The following RTEL1 variants were observed in gnomAD, a reference collection of about 807,000 sequenced individuals.
RTEL1 encodes the protein regulator of telomere elongation helicase 1, also known as regulator of telomere length.
A neutral mutation model predicts 162.2 loss-of-function variants in RTEL1; 86 were observed. The ratio of observed to expected loss-of-function variants is 0.53; its 90% CI spans 0.45 to 0.63. RTEL1 has a LOEUF of 0.63. Ranked by LOEUF, RTEL1 falls within the 30% of genes least tolerant of loss-of-function variation. The probability of loss-of-function intolerance (pLI) is 0.00; values close to 1 mark genes in which losing one functional copy is unlikely to be tolerated. For missense variants in RTEL1, 1,941 were observed against 1,750.2 expected (o/e 1.11, Z -1.95); for synonymous variants, 958 against 717.9 (o/e 1.33, Z -5.35).
chr20:63,693,278 C>A lies in RTEL1; in HGVS notation c.2987C>A (p.Pro996His), dbSNP rs373210484. The change falls in exon 30 of 35, where the codon CCC becomes CAC. Residue 996 changes from proline (P) to histidine (H), a missense_variant. Pro to His is a moderately conservative substitution (Grantham distance 77, BLOSUM62 -2). Transcript: ENST00000360203. ...RRQRAQPVLDPTGRTAPDPKL... is the reference protein window; with the variant it reads ...RRQRAQPVLDHTGRTAPDPKL... Reference sequence around the variant, plus strand: ...CAGCGGGCACAGCCGGTCCTGGACCCCACTGGTAAATGGGGCCCCAGGTGG... The same window carrying A: ...CAGCGGGCACAGCCGGTCCTGGACCACACTGGTAAATGGGGCCCCAGGTGG... 1.2e-4 allele frequency: 186 copies of A among 1,611,674 alleles called. 2 individuals carry two copies. In the East Asian group the frequency reaches 1.9e-3, roughly 17 times the overall value.
chr20:63,694,010 T>C (rs1210318351), intron 30 of RTEL1, among the ~76,000 whole-genome samples: 3 of 151,856 alleles, frequency 2.0e-5, no homozygotes, highest in Admixed American at 6.5e-5. Flanking sequence ...TCTGTGTTCG[T>C]GTGTTAATGA....
At chr20:63,662,012 A>C (rs1204235162) in intron 4 of RTEL1, 69 bp downstream of exon 4, 1 of 1,175,124 alleles carries the variant, frequency 8.5e-7, no homozygotes, top group Non-Finnish European at 1.3e-6. Context: ...TGCTGAGTCC[A>C]CAGCCCCATG....
rs904584227 is a variant in RTEL1 at position 63,668,019 on chromosome 20, C to A, written c.699+466C>A. 2.7e-5 allele frequency among the ~76,000 whole-genome samples: 4 copies of A among 150,248 alleles called. No individual in the cohort carries two copies. The highest frequency in any genetic ancestry group is 4.9e-5 in the African/African-American group (2 of 40,718). On this transcript the variant is annotated intron_variant, in intron 8 of 34. Transcript: ENST00000360203. The surrounding 1 kb of genome is among the most constrained non-coding windows in gnomAD (Gnocchi z 4.3). ...TGCCCGGCCCCACACTCACTCCCCC[C>A]ACAGCATGTGCCCGGCCTGACACTC...
At chr20:63,678,455 C>T in intron 12 of RTEL1, 109 bp downstream of exon 12, 1 of 1,047,612 alleles carries the variant, frequency 9.5e-7, no homozygotes. Flanking sequence ...GTTTTCAGGC[C>T]TGTTTTCCCT....
chr20:63,659,365 C>T lies in RTEL1; in HGVS notation c.-38C>T. On this transcript the variant is annotated 5_prime_UTR_variant, in exon 2 of 35. Transcript: ENST00000360203. ...TCGCACAGACCCGAATAGCCTGCCC[C>T]TCAGCCACGCTCTGTGCCCTTCTGA... is the stretch of plus-strand genomic sequence containing the variant. The T allele has an allele frequency of 6.6e-7, 1 of 1,508,750 alleles. No individual in the cohort carries two copies. Among genetic ancestry groups the T allele is most frequent in the Non-Finnish European group, 9.2e-7 (1 of 1,084,254 alleles). The allele number at this position is 1,508,750 out of a possible 1,614,324, so 93.5% of individuals were successfully genotyped here.
intron 8 of RTEL1, among the ~76,000 whole-genome samples, chr20:63,671,339 A>G (rs2090237108): frequency 6.6e-6 from 1 of 151,872 alleles, no homozygotes; most frequent in South Asian, 2.1e-4. Context: ...GGTTGCAGGC[A>G]TGAACCACCG....
chr20:63,673,860 G>T, intron 9 of RTEL1, 80 bp from the exon 10 acceptor site: 1 of 1,492,152 alleles, frequency 6.7e-7, no homozygotes, highest in Non-Finnish European at 9.0e-7. Flanking sequence ...TGTGCCTTCT[G>T]CACCCCCACC....
rs2090805771 is a variant in RTEL1, at chr20:63,693,216, C to A, written c.2925C>A (p.Gly975=). 1 of 1,612,128 alleles carries A rather than the reference C, an allele frequency of 6.2e-7. No individual in the cohort carries two copies. The highest frequency in any genetic ancestry group is 8.5e-7 in the Non-Finnish European group (1 of 1,179,516). ...EEVCIQLTGR[G]CGYRPEHSIP... Reference sequence around the variant, plus strand: ...TCTGTATCCAGCTGACAGGACGAGGCTGTGGCTATCGGCCTGAGCACAGCA... The same window carrying A: ...TCTGTATCCAGCTGACAGGACGAGGATGTGGCTATCGGCCTGAGCACAGCA... Residue 975 remains glycine (G), a synonymous_variant, in exon 30 of 35, where the codon GGC becomes GGA. Coordinates refer to ENST00000360203, the MANE Select transcript of RTEL1 (RefSeq NM_001283009.2).
intron 14 of RTEL1, among the ~76,000 whole-genome samples, chr20:63,684,545 AG>A (rs1413551324): frequency 6.6e-6 from 1 of 151,882 alleles, no homozygotes; most frequent in Non-Finnish European, 1.5e-5. Flanking sequence ...AGTAGAGACG[AG>A]GTTTCACCGT....
chr20:63,680,941 G>A (rs1287143833), intron 14 of RTEL1: 3 of 985,310 alleles, frequency 3.0e-6, no homozygotes, highest in African/African-American at 3.5e-5. Flanking sequence ...ACATGCCCAG[G>A]GTGATGCTGG....
intron 6 of RTEL1, 50 bp from the exon 7 acceptor site, chr20:63,665,954 G>C (rs2090117875): frequency 1.3e-6 from 2 of 1,569,046 alleles, no homozygotes; most frequent in Admixed American, 3.4e-5. Flanking sequence ...TGTGGTCTGG[G>C]ACTTAGTGGA....
chr20:63,664,633 G>C (rs1326289741), intron 6 of RTEL1, among the ~76,000 whole-genome samples: 1 of 152,226 alleles, frequency 6.6e-6, no homozygotes, highest in Non-Finnish European at 1.5e-5. Flanking sequence ...GCCCGACCTG[G>C]CGGGAGGTTG....
chr20:63,674,305 C>T (rs943402481), intron 10 of RTEL1, among the ~76,000 whole-genome samples: 1 of 152,216 alleles, frequency 6.6e-6, no homozygotes, highest in African/African-American at 2.4e-5. Context: ...GCAGGGCATC[C>T]GCTTCTCTCA....
In RTEL1 at chr20:63,669,126, G is replaced by C. The variant is rs145276107; in HGVS notation, c.699+1573G>C. 4.0e-3 allele frequency among the ~76,000 whole-genome samples: 610 copies of C among 152,334 alleles called. 6 individuals carry two copies. Among genetic ancestry groups the C allele is most frequent in the African/African-American group, 0.014 (593 of 41,582 alleles). ...GCCTCCCGAGTAGCTGGGATTACAG[G>C]CGTGCGCCACCATGCCTGGCCCTTG... On this transcript the variant is annotated intron_variant, in intron 8 of 34. Coordinates refer to ENST00000360203, the MANE Select transcript of RTEL1 (RefSeq NM_001283009.2).
chr20:63,693,379 G>T (rs577691077), intron 30 of RTEL1, 96 bp downstream of exon 30: 2 of 1,452,552 alleles, frequency 1.4e-6, no homozygotes, highest in Non-Finnish European at 1.9e-6. Context: ...CTCGGGCCCT[G>T]CTTGGCCCCG....
chr20:63,691,785 C>G lies in RTEL1; in HGVS notation c.2600C>G (p.Pro867Arg). The G allele has an allele frequency of 1.9e-6, 3 of 1,612,468 alleles. No individual in the cohort carries two copies. The highest frequency in any genetic ancestry group is 2.5e-6 in the Non-Finnish European group (3 of 1,179,832). The change falls in exon 28 of 35, where the codon CCG (proline) becomes CGG (arginine). Residue 867 changes from proline (P) to arginine (R), a missense_variant. Coordinates refer to ENST00000360203, the MANE Select transcript of RTEL1 (RefSeq NM_001283009.2). ...STLSLLSEKR[P>R]AEEPRGGRKK... ...CTGTCCCTCCTGTCTGAGAAGAGGC[C>G]GGCAGAAGAACCGCGAGGAGGGAGG...
At chr20:63,667,065 T>A (rs1186705647) in intron 7 of RTEL1, among the ~76,000 whole-genome samples, 6 of 148,398 alleles carry the variant, frequency 4.0e-5, no homozygotes, top group Non-Finnish European at 8.9e-5. Context: ...GGTCTCGATC[T>A]TCTGACCTTG....
rs563677618 is a variant in RTEL1 at position 63,661,152 on chromosome 20, C to T, written c.103-146C>T. ...TGGGACTTGCCTGTGGACTTCTCCG[C>T]GGTCCCACAGGGCTCTCGCCACCTG... On this transcript the variant is annotated intron_variant, in intron 2 of 34. Coordinates refer to ENST00000360203, the MANE Select transcript of RTEL1 (RefSeq NM_001283009.2). This position sits in a 1 kb window ranked among gnomAD's most constrained non-coding sequence, Gnocchi z 5.1. 72 of 687,462 alleles carry T rather than the reference C, an allele frequency of 1.0e-4. No individual in the cohort carries two copies. Among genetic ancestry groups the T allele is most frequent in the South Asian group, 9.6e-4 (51 of 53,080 alleles). 42.6% of individuals were successfully genotyped at this position (687,462 alleles called of 1,614,324 possible). A position where few individuals can be genotyped will look rare whatever the true frequency, so the allele number is the denominator to read the frequency against.
chr20:63,662,512 C>A (rs776606874), intron 4 of RTEL1, 34 bp from the exon 5 acceptor site: 1 of 1,612,086 alleles, frequency 6.2e-7, no homozygotes, highest in South Asian at 1.1e-5. Flanking sequence ...TTGGAGACAG[C>A]TCCTCCTCGA....
Sources: gnomAD v4.1 joint callset for allele counts (sites outside exome capture counted in the v4.1 genomes callset) on GRCh38, gnomAD v4.1.1 for gene constraint, Gnocchi (gnomAD v3.1) non-coding constraint, MANE v1.5 for transcripts, NCBI Gene and HGNC (gene_info 2026-07-23, HGNC 2026-07-21) for gene names.